Variants in LRFN2 observed in about 807,000 individuals in gnomAD.
The protein encoded by LRFN2 is leucine-rich repeat and fibronectin type-III domain-containing protein 2.
LRFN2 carries 18 observed loss-of-function variants against 37.3 expected under a neutral mutation model. The ratio of observed to expected loss-of-function variants is 0.48; its 90% CI spans 0.33 to 0.72. The LOEUF (loss-of-function observed/expected upper bound fraction) is 0.72. Ranked by LOEUF, LRFN2 falls within the 30% of genes least tolerant of loss-of-function variation. The probability of loss-of-function intolerance (pLI) is 0.02; values close to 1 mark genes in which losing one functional copy is unlikely to be tolerated. For missense variants in LRFN2, 1,006 were observed against 1,060.7 expected (o/e 0.95, Z 0.72); for synonymous variants, 556 against 466.6 (o/e 1.19, Z -2.47).
At chr6:40,497,768 G>A (rs1038230684) in intron 1 of LRFN2, among the ~76,000 whole-genome samples, 14 of 152,108 alleles carry the variant, frequency 9.2e-5, no homozygotes, top group Non-Finnish European at 2.9e-5. Flanking sequence ...GTCTTCCCCA[G>A]GATTGATGCA....
intron 1 of LRFN2, 110 bp from the exon 2 acceptor site, chr6:40,433,241 G>T: frequency 1.2e-6 from 1 of 865,088 alleles, no homozygotes; most frequent in Non-Finnish European, 1.7e-6. Context: ...GGCATAGAAT[G>T]GCAAGTGCTC....
At chr6:40,468,632 G>C (rs1239594928) in intron 1 of LRFN2, among the ~76,000 whole-genome samples, 1 of 151,680 alleles carries the variant, frequency 6.6e-6, no homozygotes, top group African/African-American at 2.4e-5. Context: ...AGTTCAAAGA[G>C]GAAAAACAGT....
chr6:40,483,332 C>G (rs150894481), intron 1 of LRFN2, among the ~76,000 whole-genome samples: 2 of 152,348 alleles, frequency 1.3e-5, no homozygotes, highest in African/African-American at 4.8e-5. Context: ...TGCTCTGTCT[C>G]CTTCCTGGAC....
At chr6:40,485,710 T>C (rs985497083) in intron 1 of LRFN2, among the ~76,000 whole-genome samples, 2 of 152,192 alleles carry the variant, frequency 1.3e-5, no homozygotes, top group Non-Finnish European at 2.9e-5. Context: ...GTCTGGACTT[T>C]AAGCCCTGGA....
At chr6:40,436,928 C>T (rs763376528) in intron 1 of LRFN2, among the ~76,000 whole-genome samples, 14 of 152,118 alleles carry the variant, frequency 9.2e-5, no homozygotes, top group South Asian at 2.1e-4. Flanking sequence ...TCTATACCCA[C>T]GAGAGCACAT....
intron 2 of LRFN2, among the ~76,000 whole-genome samples, chr6:40,410,932 C>A (rs911563213): frequency 6.6e-6 from 1 of 152,240 alleles, no homozygotes; most frequent in African/African-American, 2.4e-5. Flanking sequence ...ATCCTCCTTC[C>A]TCTGTCCTGC....
At chr6:40,437,934 G>C (rs1763730531) in intron 1 of LRFN2, among the ~76,000 whole-genome samples, 2 of 152,224 alleles carry the variant, frequency 1.3e-5, no homozygotes, top group African/African-American at 4.8e-5. Context: ...TAGGGAAAAG[G>C]GCTAGGACAA....
At chr6:40,462,545 T>C (rs1401161106) in intron 1 of LRFN2, among the ~76,000 whole-genome samples, 1 of 152,200 alleles carries the variant, frequency 6.6e-6, no homozygotes, top group Non-Finnish European at 1.5e-5. Context: ...TTTACTGACA[T>C]AGAGGCATCT....
At chr6:40,441,297 A>G (rs1763829120) in intron 1 of LRFN2, among the ~76,000 whole-genome samples, 1 of 152,136 alleles carries the variant, frequency 6.6e-6, no homozygotes, top group South Asian at 2.1e-4. Context: ...AGGGGTGTGA[A>G]CGCGGAGGCT....
intron 1 of LRFN2, among the ~76,000 whole-genome samples, chr6:40,435,643 A>G (rs909993442): frequency 3.3e-5 from 5 of 152,122 alleles, no homozygotes; most frequent in Middle Eastern, 3.4e-3. Context: ...GGTTCACGCC[A>G]TTCTCCTGCC....
At chr6:40,433,528 G>T (rs557212052) in intron 1 of LRFN2, among the ~76,000 whole-genome samples, 1 of 152,252 alleles carries the variant, frequency 6.6e-6, no homozygotes, top group Admixed American at 6.5e-5. Context: ...ATGGGTGGAT[G>T]GATGGATGGA....
intron 2 of LRFN2, among the ~76,000 whole-genome samples, chr6:40,403,273 A>AAATGC (rs1044795208): frequency 1.2e-4 from 18 of 150,680 alleles, no homozygotes; most frequent in African/African-American, 4.4e-4. Context: ...GACTAGTGCC[A>AAATGC]AATGCTGGCC....
intron 1 of LRFN2, among the ~76,000 whole-genome samples, chr6:40,577,133 G>A (rs1163324198): frequency 6.6e-5 from 4 of 60,650 alleles, no homozygotes; most frequent in African/African-American, 1.4e-4. Context: ...ATGGAGTCTC[G>A]CTGTCTCACC....
At chr6:40,492,049 T>C (rs112763330) in intron 1 of LRFN2, among the ~76,000 whole-genome samples, 300 of 130,546 alleles carry the variant, frequency 2.3e-3, no homozygotes, top group Middle Eastern at 0.019. Flanking sequence ...TCTATTTTGC[T>C]GTGTGACTGT....
At chr6:40,550,968 A>G (rs1766765540) in intron 1 of LRFN2, among the ~76,000 whole-genome samples, 1 of 152,230 alleles carries the variant, frequency 6.6e-6, no homozygotes, top group African/African-American at 2.4e-5. Flanking sequence ...GCAGCCAAAG[A>G]GGTGGACTGC....
intron 2 of LRFN2, among the ~76,000 whole-genome samples, chr6:40,409,580 G>A (rs963895435): frequency 2.0e-5 from 3 of 152,158 alleles, no homozygotes; most frequent in Admixed American, 1.3e-4. Context: ...TTGAACAAGG[G>A]ATTTTGCTTC....
chr6:40,396,807 A>G (rs1322128749), intron 2 of LRFN2, among the ~76,000 whole-genome samples: 1 of 151,986 alleles, frequency 6.6e-6, no homozygotes, highest in Non-Finnish European at 1.5e-5. Flanking sequence ...AGCCAGAGCC[A>G]GCTAACTCAA....
chr6:40,471,303 G>T (rs1305572695), intron 1 of LRFN2, among the ~76,000 whole-genome samples: 2 of 152,206 alleles, frequency 1.3e-5, no homozygotes, highest in Non-Finnish European at 2.9e-5. Flanking sequence ...ACCATGGGAA[G>T]ATGGATGGCT....
chr6:40,466,379 G>T (rs1200126001), intron 1 of LRFN2, among the ~76,000 whole-genome samples: 4 of 152,180 alleles, frequency 2.6e-5, no homozygotes, highest in Admixed American at 2.0e-4. Context: ...AATGAAGCTT[G>T]GTCCCAGGGA....
Sources: allele counts gnomAD v4.1 joint callset (sites outside exome capture counted in the v4.1 genomes callset), GRCh38; gene constraint gnomAD v4.1.1; transcripts MANE v1.5; gene names NCBI Gene and HGNC (gene_info 2026-07-23, HGNC 2026-07-21).